Variants in GRIN2A observed in about 807,000 individuals in gnomAD.
GRIN2A encodes the protein glutamate receptor ionotropic, NMDA 2A.
Under a neutral mutation model 113.4 loss-of-function variants are expected in GRIN2A, and 22 were observed. The observed-to-expected ratio is 0.19, with a 90% confidence interval of 0.14 to 0.28. The LOEUF (loss-of-function observed/expected upper bound fraction) is 0.28, where lower values mean the gene tolerates loss of function less well. Among genes scored for constraint, GRIN2A ranks in the 10% least tolerant of loss-of-function variants. GRIN2A has a pLI of 1.00. For synonymous variants in GRIN2A, 827 were observed against 738.4 expected (o/e 1.12, Z -1.94); for missense variants, 1,502 against 1,887.0 (o/e 0.80, Z 3.78).
intron 11 of GRIN2A, among the ~76,000 whole-genome samples, chr16:9,794,380 A>G (rs1332147485): frequency 6.6e-6 from 1 of 152,240 alleles, no homozygotes; most frequent in East Asian, 1.9e-4. Flanking sequence ...TAAACACTCC[A>G]TTCTAGAGGA....
At chr16:9,790,947 T>A (rs1902568964) in intron 11 of GRIN2A, among the ~76,000 whole-genome samples, 1 of 152,224 alleles carries the variant, frequency 6.6e-6, no homozygotes, top group Non-Finnish European at 1.5e-5. Context: ...TGCACTCAAG[T>A]GGCCCAGGGC....
intron 2 of GRIN2A, among the ~76,000 whole-genome samples, chr16:9,983,853 C>T (rs1395118499): frequency 6.6e-6 from 1 of 152,190 alleles, no homozygotes; most frequent in East Asian, 1.9e-4. Flanking sequence ...AATAGTGCTG[C>T]AATAAACATG....
At chr16:10,000,906 A>T (rs2046309196) in intron 2 of GRIN2A, among the ~76,000 whole-genome samples, 1 of 151,922 alleles carries the variant, frequency 6.6e-6, no homozygotes, top group Admixed American at 6.6e-5. Flanking sequence ...TCACAAATGA[A>T]CTCTAGACTC....
In GRIN2A at chr16:9,891,170, C is replaced by G. The variant is rs1253655306; in HGVS notation, c.1008-70G>C. On this transcript the variant is annotated intron_variant, in intron 3 of 12. Coordinates refer to ENST00000330684, the MANE Select transcript of GRIN2A (RefSeq NM_001134407.3). Reference sequence around the variant, plus strand: ...GAGCAATCGAACAAATAAGTGGATGCCACCATTAATGGAATACTGAAAAAT... The same window carrying G: ...GAGCAATCGAACAAATAAGTGGATGGCACCATTAATGGAATACTGAAAAAT... The G allele has an allele frequency of 3.4e-6, 3 of 872,028 alleles. No individual in the cohort carries two copies. In the East Asian group the frequency reaches 7.2e-5, roughly 21 times the overall value. The allele number at this position is 872,028 out of a possible 1,614,324, so 54.0% of individuals were successfully genotyped here.
At chr16:9,906,064 AC>A (rs1292840346) in intron 3 of GRIN2A, among the ~76,000 whole-genome samples, 22 of 152,244 alleles carry the variant, frequency 1.4e-4, no homozygotes, top group African/African-American at 5.3e-4. Context: ...AATGTCTTTC[AC>A]TTTGTTCCTA....
chr16:9,984,647 T>C (rs549215190), intron 2 of GRIN2A, among the ~76,000 whole-genome samples: 31 of 152,208 alleles, frequency 2.0e-4, no homozygotes, highest in Non-Finnish European at 3.8e-4. Flanking sequence ...CAGTAGTACC[T>C]GATGATGATC....
At chr16:9,884,043 T>C (rs114355227) in intron 4 of GRIN2A, among the ~76,000 whole-genome samples, 1,886 of 152,302 alleles carry the variant, frequency 0.012, 55 homozygotes, top group African/African-American at 0.044. Context: ...TCTTTATTTA[T>C]CTCTCTCTTT....
intron 2 of GRIN2A, among the ~76,000 whole-genome samples, chr16:9,974,437 C>T (rs775776224): frequency 2.0e-5 from 3 of 152,160 alleles, no homozygotes; most frequent in African/African-American, 4.8e-5. Flanking sequence ...CCGGTGCATG[C>T]AGCCCCCAGT....
chr16:10,087,319 T>C (rs573673743), intron 2 of GRIN2A, among the ~76,000 whole-genome samples: 6 of 152,376 alleles, frequency 3.9e-5, no homozygotes, highest in Admixed American at 1.3e-4. Flanking sequence ...TCCTCCCTAC[T>C]GGACAATTGG....
rs1376511023 is a variant in GRIN2A at position 9,849,972 on chromosome 16, A to G, written c.1123-11T>C. On this transcript the variant is annotated splice_polypyrimidine_tract_variant and intron_variant, in intron 4 of 12. Transcript: ENST00000330684. ...CTCCCACTTGCCCACCTGCAGCACA[A>G]ACACAAAGACACAGCTGTGCTTTCT... 3 of 1,610,028 alleles carry G rather than the reference A, an allele frequency of 1.9e-6. No individual in the cohort carries two copies. The highest frequency in any genetic ancestry group is 2.2e-5 in the East Asian group (1 of 44,828).
At chr16:10,091,351 A>G (rs1199199360) in intron 2 of GRIN2A, among the ~76,000 whole-genome samples, 5 of 152,162 alleles carry the variant, frequency 3.3e-5, no homozygotes, top group East Asian at 1.9e-4. Flanking sequence ...GATCACATCT[A>G]TAACTTTGGA....
intron 2 of GRIN2A, among the ~76,000 whole-genome samples, chr16:10,125,496 G>A (rs1244821102): frequency 1.3e-5 from 2 of 152,068 alleles, no homozygotes; most frequent in Non-Finnish European, 2.9e-5. Context: ...TACTTAAATT[G>A]CCTGGGAGGC....
chr16:9,799,852 T>C (rs181844123), intron 10 of GRIN2A, among the ~76,000 whole-genome samples: 1 of 152,336 alleles, frequency 6.6e-6, no homozygotes. Flanking sequence ...TATATATCCT[T>C]GAAATCACCA....
At chr16:9,955,538 T>G (rs547390103) in intron 2 of GRIN2A, among the ~76,000 whole-genome samples, 33 of 152,340 alleles carry the variant, frequency 2.2e-4, no homozygotes, top group African/African-American at 7.9e-4. Context: ...CAATTACTTT[T>G]GCACCAACCT....
intron 2 of GRIN2A, among the ~76,000 whole-genome samples, chr16:10,127,579 A>G (rs953383823): frequency 1.7e-4 from 26 of 152,222 alleles, no homozygotes; most frequent in African/African-American, 6.0e-4. Flanking sequence ...TTTATATATA[A>G]GAATAATTGC....
In GRIN2A at chr16:9,754,355, A is replaced by G. The variant is rs942785597; in HGVS notation, c.*8794T>C. On this transcript the variant is annotated 3_prime_UTR_variant, in exon 13 of 13. Coordinates refer to ENST00000330684, the MANE Select transcript of GRIN2A (RefSeq NM_001134407.3). ...TTTGGAAGGCATCTGAGCCACATCT[A>G]ACTATGTCACTGCTGTGTCAAGCAG... 2 of 208,400 alleles carry G rather than the reference A, an allele frequency of 9.6e-6. No individual in the cohort carries two copies. Among genetic ancestry groups the G allele is most frequent in the Admixed American group, 1.2e-4 (2 of 16,872 alleles). The allele number at this position is 208,400 out of a possible 1,614,324, so 12.9% of individuals were successfully genotyped here. A position where few individuals can be genotyped will look rare whatever the true frequency, so the allele number is the denominator to read the frequency against.
intron 2 of GRIN2A, among the ~76,000 whole-genome samples, chr16:9,961,828 T>C (rs1211509609): frequency 7.2e-5 from 11 of 152,186 alleles, no homozygotes; most frequent in Admixed American, 7.2e-4. Context: ...AAGTTAATCC[T>C]CAGCCAAAAG....
rs763061388 is a variant in GRIN2A at position 9,842,809 on chromosome 16, CA to C, written c.1329-1706del. On this transcript the variant is annotated intron_variant, in intron 5 of 12. Coordinates refer to ENST00000330684, the MANE Select transcript of GRIN2A (RefSeq NM_001134407.3). ...AAAATGAGCTGGGCATGGTGGCATG[CA>C]CCTGTAATCCCAGCTACACAGGAGG... Among the ~76,000 whole-genome samples, 11 of 152,014 alleles carry C rather than the reference CA, an allele frequency of 7.2e-5. No homozygotes were observed. The East Asian group carries it at 9.6e-4, about 13-fold the overall frequency.
At position 9,829,425 on chromosome 16, in the gene GRIN2A, T is replaced by G; in HGVS notation, c.2005A>C (p.Lys669Gln). 6.2e-7 allele frequency: 1 copy of G among 1,608,882 alleles called. No homozygotes were observed. The highest frequency in any genetic ancestry group is 2.2e-5 in the East Asian group (1 of 44,776). The change falls in exon 9 of 13, where the codon AAG (lysine) becomes CAG (glutamine). Residue 669 changes from lysine to glutamine, a missense_variant and splice_region_variant. Lys to Gln is a moderately conservative substitution (Grantham distance 53, BLOSUM62 1). This residue lies in a region of GRIN2A where 101 missense variants were observed against 240.4 expected (regional missense o/e 0.42). Transcript: ENST00000330684. ...AGAGGAAAGCAAGGTGACCTTACCT[T>G]TTTGTCACTGAGGCCGGTCACTTGG... ...VDQVTGLSDK[K>Q]FQRPHDYSPP...
Sources: allele counts gnomAD v4.1 joint callset (sites outside exome capture counted in the v4.1 genomes callset), GRCh38; gene constraint gnomAD v4.1.1; regional missense constraint gnomAD v4.1.1; transcripts MANE v1.5; gene names NCBI Gene and HGNC (gene_info 2026-07-23, HGNC 2026-07-21).